CPNE8: variants seen among roughly 807,000 people sequenced by gnomAD.
CPNE8 encodes copine 8, also known as copine-8.
Under a neutral mutation model 81.5 loss-of-function variants are expected in CPNE8, and 45 were observed. The observed-to-expected ratio is 0.55, with a 90% CI of 0.44 to 0.71. CPNE8 has a LOEUF of 0.71. CPNE8 is among the 30% of genes least tolerant of loss of function. CPNE8 has a pLI of 0.00. For synonymous variants in CPNE8, 252 were observed against 226.3 expected (o/e 1.11, Z -1.02); for missense variants, 594 against 672.1 (o/e 0.88, Z 1.28).
chr12:38,799,182 C>T (rs1942588968), intron 6 of CPNE8, among the ~76,000 whole-genome samples: 1 of 152,126 alleles, frequency 6.6e-6, no homozygotes, highest in African/African-American at 2.4e-5. Context: ...TTGAACTCAT[C>T]TCTGCACCAA....
chr12:38,793,863 A>G (rs910326862), intron 6 of CPNE8, among the ~76,000 whole-genome samples: 7 of 152,222 alleles, frequency 4.6e-5, no homozygotes, highest in Non-Finnish European at 8.8e-5. Flanking sequence ...TGTTACTAGT[A>G]TAAAGACAAA....
At chr12:38,762,765 A>G (rs1472365312) in intron 8 of CPNE8, among the ~76,000 whole-genome samples, 1 of 152,230 alleles carries the variant, frequency 6.6e-6, no homozygotes, top group African/African-American at 2.4e-5. Context: ...TCAAGATGGA[A>G]GAAATAACAG....
chr12:38,760,942 T>A (rs372515345), intron 9 of CPNE8, 54 bp from the exon 10 acceptor site: 2 of 1,260,358 alleles, frequency 1.6e-6, no homozygotes, highest in African/African-American at 3.2e-5. Context: ...CAAAATAATG[T>A]ATGGTTGAGA....
chr12:38,874,453 C>A lies in CPNE8; in HGVS notation c.139+18G>T. 1.3e-6 allele frequency: 2 copies of A among 1,582,334 alleles called. No homozygotes were observed. The highest frequency in any genetic ancestry group is 1.7e-6 in the Non-Finnish European group (2 of 1,154,436). On this transcript the variant is annotated intron_variant, in intron 2 of 19. Transcript: ENST00000331366. ...CAAAATCAAATGATTTTTCAAAAGG[C>A]AAGCAATACATACTTACTTGGATCA...
intron 13 of CPNE8, among the ~76,000 whole-genome samples, chr12:38,722,136 C>T (rs956255509): frequency 6.6e-6 from 1 of 152,178 alleles, no homozygotes; most frequent in Non-Finnish European, 1.5e-5. Flanking sequence ...CCCAAAGATC[C>T]TGTAACACTA....
rs1026481328 is a variant in CPNE8, at chr12:38,705,592, A to G, written c.915-2671T>C. On this transcript the variant is annotated intron_variant, in intron 13 of 19. Coordinates refer to ENST00000331366, the MANE Select transcript of CPNE8 (RefSeq NM_153634.3). The stretch of plus-strand genomic sequence containing the variant: ...GTACAAACTTTTAGAAAAAGAATAT[A>G]GTAAGACTTCTGGGAGAACATTTTC... Among the ~76,000 whole-genome samples the G allele has an allele frequency of 2.6e-5, 4 of 152,194 alleles. No individual in the cohort carries two copies. The East Asian group carries it at 5.8e-4, about 22-fold the overall frequency.
At chr12:38,781,966 A>T (rs760013913) in intron 6 of CPNE8, among the ~76,000 whole-genome samples, 1 of 152,164 alleles carries the variant, frequency 6.6e-6, no homozygotes, top group Non-Finnish European at 1.5e-5. Flanking sequence ...AAGAAAGTGT[A>T]CATCCTGAAA....
intron 4 of CPNE8, among the ~76,000 whole-genome samples, chr12:38,847,385 A>T (rs2137054915): frequency 6.6e-6 from 1 of 152,314 alleles, no homozygotes; most frequent in Non-Finnish European, 1.5e-5. Context: ...GGCCCAGAAT[A>T]ATGGGAGAAT....
intron 1 of CPNE8, among the ~76,000 whole-genome samples, chr12:38,902,415 GAAAAAGAA>G (rs1565670403): frequency 8.1e-5 from 8 of 98,840 alleles, no homozygotes; most frequent in East Asian, 3.1e-4. Context: ...AAGAAAGAAA[GAAAAAGAA>G]AGAAAGAAAG....
At chr12:38,776,401 G>C in intron 6 of CPNE8, 100 bp from the exon 7 acceptor site, 1 of 323,088 alleles carries the variant, frequency 3.1e-6, no homozygotes, top group Non-Finnish European at 5.4e-6. Context: ...CTCTAATAAA[G>C]AGCATATAAT....
At chr12:38,855,890 A>G (rs1943724757) in intron 3 of CPNE8, among the ~76,000 whole-genome samples, 1 of 152,068 alleles carries the variant, frequency 6.6e-6, no homozygotes, top group Admixed American at 6.6e-5. Flanking sequence ...CTAAAATTCA[A>G]TGAAACAACT....
chr12:38,781,722 G>T (rs1942056991), intron 6 of CPNE8, among the ~76,000 whole-genome samples: 1 of 151,968 alleles, frequency 6.6e-6, no homozygotes, highest in Non-Finnish European at 1.5e-5. Flanking sequence ...GGTGATCAAG[G>T]TTAATATCAC....
chr12:38,731,570 T>G (rs1940831908), intron 10 of CPNE8, among the ~76,000 whole-genome samples: 1 of 151,970 alleles, frequency 6.6e-6, no homozygotes, highest in Admixed American at 6.6e-5. Flanking sequence ...TTGTATATAC[T>G]AATATTTCAT....
At chr12:38,684,069 C>T (rs1376040625) in intron 16 of CPNE8, among the ~76,000 whole-genome samples, 2 of 152,050 alleles carry the variant, frequency 1.3e-5, no homozygotes, top group Non-Finnish European at 2.9e-5. Flanking sequence ...GAATTCTTGT[C>T]ATTTTTCTCT....
At chr12:38,800,054 CTGCAAGGCG>C (rs1942619307) in intron 6 of CPNE8, among the ~76,000 whole-genome samples, 1 of 128,096 alleles carries the variant, frequency 7.8e-6, no homozygotes, top group South Asian at 3.1e-4. Context: ...TGAGATCAAA[CTGCAAGGCG>C]GCAACGAGGC....
At position 38,677,441 on chromosome 12, in the gene CPNE8, C is replaced by A. The variant is rs1939314927; in HGVS notation, c.1374+11G>T. On this transcript the variant is annotated intron_variant, in intron 17 of 19. Transcript: ENST00000331366. ...ACGTAGCGAGCCCAATACGGAGTGA[C>A]CCCCACTTACATTAACTATGGACTC... is the stretch of plus-strand genomic sequence containing the variant. 1.4e-6 allele frequency: 2 copies of A among 1,474,974 alleles called. No homozygotes were observed. Among genetic ancestry groups the A allele is most frequent in the Non-Finnish European group, 1.9e-6 (2 of 1,053,690 alleles). 91.4% of individuals were successfully genotyped at this position (1,474,974 alleles called of 1,614,324 possible). A position where few individuals can be genotyped will look rare whatever the true frequency, so the allele number is the denominator to read the frequency against.
chr12:38,776,241 G>A lies in CPNE8; in HGVS notation c.468C>T (p.Cys156=). 1.3e-6 allele frequency: 2 copies of A among 1,534,114 alleles called. No individual in the cohort carries two copies. Among genetic ancestry groups the A allele is most frequent in the Admixed American group, 1.8e-5 (1 of 57,006 alleles). The change falls in exon 7 of 20, where the codon TGC becomes TGT. Residue 156 remains cysteine (C), a synonymous_variant. Coordinates refer to ENST00000331366, the MANE Select transcript of CPNE8 (RefSeq NM_153634.3). ...IILTAEELNC[C]RDAVLMQFCA... is the part of the protein sequence containing the mutation. ...AACCAAAGAAATATTTACTTACCCT[G>A]CAACAGTTTAATTCCTCTGCTGTAA...
intron 6 of CPNE8, among the ~76,000 whole-genome samples, chr12:38,797,468 A>G (rs572940558): frequency 3.9e-4 from 59 of 152,318 alleles, no homozygotes; most frequent in Admixed American, 3.3e-3. Context: ...GCAAACTCCA[A>G]CAGACCTGCA....
At chr12:38,854,640 A>C (rs1943701441) in intron 3 of CPNE8, among the ~76,000 whole-genome samples, 1 of 152,116 alleles carries the variant, frequency 6.6e-6, no homozygotes, top group Non-Finnish European at 1.5e-5. Context: ...AAGATGATAC[A>C]GTACGTTAAC....
Sources: allele counts gnomAD v4.1 joint callset (sites outside exome capture counted in the v4.1 genomes callset), GRCh38; gene constraint gnomAD v4.1.1; transcripts MANE v1.5; gene names NCBI Gene and HGNC (gene_info 2026-07-23, HGNC 2026-07-21).